Variants in DDR2 observed in about 807,000 individuals in gnomAD.
DDR2 encodes discoidin domain-containing receptor 2.
DDR2 carries 27 observed loss-of-function variants against 94.9 expected under a neutral mutation model. The ratio of observed to expected loss-of-function variants is 0.28; its 90% confidence interval spans 0.21 to 0.39. The LOEUF is 0.39. Ranked by LOEUF, DDR2 falls within the 10% of genes least tolerant of loss-of-function variation. DDR2 has a pLI of 1.00. For synonymous variants in DDR2, 382 were observed against 377.2 expected (o/e 1.01, Z -0.15); for missense variants, 783 against 1,076.0 (o/e 0.73, Z 3.81).
At chr1:162,685,685 T>G (rs963770593) in intron 2 of DDR2, among the ~76,000 whole-genome samples, 2 of 152,170 alleles carry the variant, frequency 1.3e-5, no homozygotes, top group African/African-American at 4.8e-5. Flanking sequence ...AACTGTTTTA[T>G]CGACGTACAT....
chr1:162,659,733 G>A (rs958600803), intron 2 of DDR2, among the ~76,000 whole-genome samples: 1 of 152,150 alleles, frequency 6.6e-6, no homozygotes, highest in African/African-American at 2.4e-5. Flanking sequence ...AAGATTAAAG[G>A]TGTCATAACT....
At chr1:162,679,612 T>A (rs1659301885) in intron 2 of DDR2, among the ~76,000 whole-genome samples, 1 of 152,208 alleles carries the variant, frequency 6.6e-6, no homozygotes, top group Non-Finnish European at 1.5e-5. Flanking sequence ...GCAATGAACA[T>A]GTGTCTTTAT....
chr1:162,732,198 G>A (rs1481071519), intron 3 of DDR2, among the ~76,000 whole-genome samples: 2 of 152,278 alleles, frequency 1.3e-5, no homozygotes, highest in African/African-American at 4.8e-5. Context: ...AGAGGTCTGG[G>A]TGACCATTAT....
intron 2 of DDR2, among the ~76,000 whole-genome samples, chr1:162,702,237 C>T (rs1660465101): frequency 6.6e-6 from 1 of 152,104 alleles, no homozygotes; most frequent in South Asian, 2.1e-4. Flanking sequence ...CAATTATTGT[C>T]ACTCTGTCTT....
At chr1:162,677,299 A>G (rs1201991935) in intron 2 of DDR2, among the ~76,000 whole-genome samples, 1 of 152,184 alleles carries the variant, frequency 6.6e-6, no homozygotes, top group African/African-American at 2.4e-5. Context: ...ACTTGGTGGA[A>G]AACTTCAAAT....
chr1:162,630,940 T>A (rs904074315), upstream of DDR2, among the ~76,000 whole-genome samples: 4 of 152,180 alleles, frequency 2.6e-5, no homozygotes, highest in African/African-American at 9.7e-5. Flanking sequence ...CTGCAGTGTC[T>A]TTTCTCTTCA....
chr1:162,745,042 A>T (rs1662784914), intron 3 of DDR2, among the ~76,000 whole-genome samples: 1 of 152,228 alleles, frequency 6.6e-6, no homozygotes, highest in Non-Finnish European at 1.5e-5. Context: ...CCTGACATGT[A>T]TAAGGTGATA....
Position 162,727,068 on chromosome 1 carries a change from ATAT to A in DDR2, c.82+7927_82+7929del, listed in dbSNP as rs539831245. On this transcript the variant is annotated intron_variant, in intron 3 of 17. Transcript: ENST00000367921. ...AAATATTATAATAAATATATTATAA[ATAT>A]TATAATATTTAATATTATTAATACA... is the stretch of plus-strand genomic sequence containing the variant. 3.4e-3 allele frequency among the ~76,000 whole-genome samples: 496 copies of A among 145,998 alleles called. 6 individuals are homozygous for A. The highest frequency in any genetic ancestry group is 0.032 in the East Asian group (162 of 5,076).
intron 3 of DDR2, among the ~76,000 whole-genome samples, chr1:162,722,876 T>G (rs1347413451): frequency 6.6e-6 from 1 of 152,192 alleles, no homozygotes; most frequent in Non-Finnish European, 1.5e-5. Flanking sequence ...ACTGGAAGAT[T>G]TCGGCTTGGA....
At chr1:162,776,813 C>T (rs984827236) in intron 16 of DDR2, among the ~76,000 whole-genome samples, 5 of 151,956 alleles carry the variant, frequency 3.3e-5, no homozygotes, top group African/African-American at 1.2e-4. Context: ...GTTCATCATT[C>T]TTTGCTTTAT....
rs1239911653 is a variant in DDR2, at chr1:162,672,854, G to C, written c.-28+17480G>C. Among the ~76,000 whole-genome samples, 2 of 152,184 alleles carry C rather than the reference G, an allele frequency of 1.3e-5. 1 individual carries two copies. Among genetic ancestry groups the C allele is most frequent in the South Asian group, 4.2e-4 (2 of 4,808 alleles). Reference sequence around the variant, plus strand: ...GAAAGTTACCAGTGGGCATGTTCTCGGGGCCTCTCTGTCCCCATGAAGCAT... The same window carrying C: ...GAAAGTTACCAGTGGGCATGTTCTCCGGGCCTCTCTGTCCCCATGAAGCAT... On this transcript the variant is annotated intron_variant, in intron 2 of 17. Coordinates refer to ENST00000367921, the MANE Select transcript of DDR2 (RefSeq NM_006182.4).
intron 2 of DDR2, among the ~76,000 whole-genome samples, chr1:162,663,975 C>T (rs919231474): frequency 6.6e-6 from 1 of 151,998 alleles, no homozygotes; most frequent in Non-Finnish European, 1.5e-5. Flanking sequence ...AAATGGAAAC[C>T]CCCTAATAGA....
intron 3 of DDR2, among the ~76,000 whole-genome samples, chr1:162,739,842 A>G (rs10127875): frequency 0.02 from 3,026 of 152,212 alleles, 83 homozygotes; most frequent in African/African-American, 0.059. Context: ...TAGGTGGGAT[A>G]TGGGAATATT....
At chr1:162,766,085 A>G (rs1663976003) in intron 10 of DDR2, 22 bp downstream of exon 10, 1 of 1,612,930 alleles carries the variant, frequency 6.2e-7, no homozygotes, top group East Asian at 2.2e-5. Context: ...TCCTAATTAC[A>G]CAAATTAATT....
chr1:162,702,484 C>A (rs578132718), intron 2 of DDR2, among the ~76,000 whole-genome samples: 1 of 152,234 alleles, frequency 6.6e-6, no homozygotes, highest in Admixed American at 6.5e-5. Flanking sequence ...TTCATGTGTG[C>A]GACTCTGAGT....
intron 2 of DDR2, among the ~76,000 whole-genome samples, chr1:162,718,519 A>G (rs1054210035): frequency 6.6e-6 from 1 of 152,150 alleles, no homozygotes; most frequent in African/African-American, 2.4e-5. Flanking sequence ...AATCTAATCT[A>G]TTATCATAGA....
intron 2 of DDR2, among the ~76,000 whole-genome samples, chr1:162,679,620 T>G (rs1400125866): frequency 6.6e-6 from 1 of 152,204 alleles, no homozygotes; most frequent in African/African-American, 2.4e-5. Flanking sequence ...CATGTGTCTT[T>G]ATGGTAGAAC....
In DDR2 at chr1:162,753,150, C is replaced by T. The variant is rs1415893403; in HGVS notation, c.138C>T (p.Ile46=). Residue 46 remains isoleucine, a synonymous_variant, in exon 4 of 18, where the codon ATC becomes ATT. Coordinates refer to ENST00000367921, the MANE Select transcript of DDR2 (RefSeq NM_006182.4). ...GAGGCCAGATTCCAGATGAGGACAT[C>T]ACAGCTTCCAGTCAGTGGTCAGAGT... is the stretch of plus-strand genomic sequence containing the variant. ...MSGGQIPDED[I]TASSQWSEST... is the part of the protein sequence containing the mutation. 4 of 1,613,590 alleles carry T rather than the reference C, an allele frequency of 2.5e-6. 1 individual carries two copies. The highest frequency in any genetic ancestry group is 3.4e-6 in the Non-Finnish European group (4 of 1,179,754).
At position 162,727,360 on chromosome 1, in the gene DDR2, TTATG is replaced by T. The variant is rs1043818249; in HGVS notation, c.82+8223_82+8226del. Among the ~76,000 whole-genome samples the T allele has an allele frequency of 5.2e-4, 74 of 143,058 alleles. 1 individual carries two copies. The highest frequency in any genetic ancestry group is 1.8e-3 in the African/African-American group (70 of 39,606). 93.9% of individuals were successfully genotyped at this position (143,058 alleles called of 152,430 possible). A position where few individuals can be genotyped will look rare whatever the true frequency, so the allele number is the denominator to read the frequency against. On this transcript the variant is annotated intron_variant, in intron 3 of 17. Transcript: ENST00000367921. ...TACACACATATATATGTGAGTATATTTATGTATGTATTTATATATAGATATATCT... is the reference window on the plus strand; with the variant it reads ...TACACACATATATATGTGAGTATATTTATGTATTTATATATAGATATATCT...
Sources: gnomAD v4.1 joint callset for allele counts (sites outside exome capture counted in the v4.1 genomes callset) on GRCh38, gnomAD v4.1.1 for gene constraint, MANE v1.5 for transcripts, NCBI Gene and HGNC (gene_info 2026-07-23, HGNC 2026-07-21) for gene names.